Variants in ADGRL3 observed in about 807,000 individuals in gnomAD.
ADGRL3 encodes adhesion G protein-coupled receptor L3.
In ADGRL3, 62 loss-of-function variants were observed where a neutral mutation model predicts 153.5. That is an observed-to-expected ratio of 0.40 (90% CI 0.33 to 0.50). ADGRL3 has a LOEUF of 0.50. ADGRL3 is among the 20% of genes least tolerant of loss of function. The probability of loss-of-function intolerance (pLI) is 0.47; values close to 1 mark genes in which losing one functional copy is unlikely to be tolerated. For synonymous variants in ADGRL3, 710 were observed against 672.5 expected, an observed-to-expected ratio of 1.06 and a Z score of -0.86; for missense variants, 1,641 against 1,859.4, an observed-to-expected ratio of 0.88 and a Z score of 2.16.
At chr4:61,311,972 G>A (rs1335656956) in intron 1 of ADGRL3, among the ~76,000 whole-genome samples, 2 of 152,018 alleles carry the variant, frequency 1.3e-5, no homozygotes, top group Non-Finnish European at 2.9e-5. Context: ...AATGGGGGAG[G>A]CTATGCATCT....
Position 61,318,213 on chromosome 4 carries a change from A to AC in ADGRL3, c.-239-64911_-239-64910insC, listed in dbSNP as rs1388784336. 3.3e-3 allele frequency among the ~76,000 whole-genome samples: 493 copies of AC among 147,280 alleles called. 2 individuals are homozygous for AC. Among genetic ancestry groups the AC allele is most frequent in the African/African-American group, 0.012 (464 of 38,822 alleles). ...TGTCTCAAAAAAAAAAAAAAAAAAA[A>AC]ACACAAAACACACACACACACACAC... On this transcript the variant is annotated intron_variant, in intron 1 of 26. Transcript: ENST00000683033.
rs149992520 is a variant in ADGRL3, at chr4:61,457,851, CAGATAGATAGAT to C, written c.-173-39229_-173-39218del. ...TGTTTTTGTATAAAATCACAGATGACAGATAGATAGATAGATAGATAGATAGATAGATAGATA... is the reference window on the plus strand; with the variant it reads ...TGTTTTTGTATAAAATCACAGATGACAGATAGATAGATAGATAGATAGATA... On this transcript the variant is annotated intron_variant, in intron 2 of 26. Transcript: ENST00000683033. Among the ~76,000 whole-genome samples the C allele has an allele frequency of 2.8e-3, 412 of 146,158 alleles. 1 individual carries two copies. Among genetic ancestry groups the C allele is most frequent in the South Asian group, 4.4e-3 (20 of 4,510 alleles).
intron 21 of ADGRL3, among the ~76,000 whole-genome samples, chr4:62,004,668 G>A (rs998236202): frequency 3.3e-5 from 5 of 151,864 alleles, no homozygotes; most frequent in East Asian, 1.9e-4. Flanking sequence ...ACTGTTACAC[G>A]TTTTGTAAAA....
intron 17 of ADGRL3, among the ~76,000 whole-genome samples, chr4:61,962,668 C>G (rs1052346346): frequency 5.9e-5 from 9 of 152,034 alleles, no homozygotes; most frequent in Admixed American, 3.9e-4. Context: ...CCCATTGCAT[C>G]AAGATGTTCA....
At chr4:61,810,179 A>G (rs1165272125) in intron 8 of ADGRL3, among the ~76,000 whole-genome samples, 1 of 152,258 alleles carries the variant, frequency 6.6e-6, no homozygotes, top group Admixed American at 6.5e-5. Flanking sequence ...GTCTCAACAC[A>G]CATGAAGGAT....
At chr4:61,698,891 T>C (rs1457742720) in intron 6 of ADGRL3, among the ~76,000 whole-genome samples, 1 of 152,174 alleles carries the variant, frequency 6.6e-6, no homozygotes, top group Non-Finnish European at 1.5e-5. Flanking sequence ...ATTACTTTCT[T>C]TTTAACTGTA....
In ADGRL3 at chr4:62,070,887, T is replaced by C. The variant is rs1745457805; in HGVS notation, c.4611T>C (p.Ala1537=). 3 of 1,549,868 alleles carry C rather than the reference T, an allele frequency of 1.9e-6. No homozygotes were observed. Among genetic ancestry groups the C allele is most frequent in the Non-Finnish European group, 1.7e-6 (2 of 1,146,004 alleles). Residue 1537 remains alanine, a synonymous_variant, in exon 27 of 27, where the codon GCT becomes GCC. Transcript: ENST00000683033. ...TPPEGSSKGP[A]HLVTSL ...CCGAGGGAAGTTCAAAAGGACCGGC[T>C]CATTTGGTCACTAGTCTATAGAAGA... is the stretch of plus-strand genomic sequence containing the variant.
rs1027463671 is a variant in ADGRL3, at chr4:61,515,146, C to G, written c.56-2169C>G. On this transcript the variant is annotated intron_variant, in intron 3 of 26. Coordinates refer to ENST00000683033, the MANE Select transcript of ADGRL3 (RefSeq NM_001387552.1). ...AGCTCATGATCTGGATGTTGCTTGC[C>G]TCTCTGCCTTCCAGACTATTCTTCA... 1.1e-4 allele frequency among the ~76,000 whole-genome samples: 16 copies of G among 152,100 alleles called. 1 individual carries two copies. The highest frequency in any genetic ancestry group is 1.0e-3 in the Admixed American group (16 of 15,270).
intron 25 of ADGRL3, among the ~76,000 whole-genome samples, chr4:62,052,350 A>T (rs933403322): frequency 6.6e-5 from 10 of 151,574 alleles, no homozygotes; most frequent in Non-Finnish European, 1.5e-4. Flanking sequence ...CTTAACAGTG[A>T]AGTTATTCAC....
chr4:61,662,340 C>T (rs1477891036), intron 5 of ADGRL3, among the ~76,000 whole-genome samples: 2 of 152,242 alleles, frequency 1.3e-5, no homozygotes, highest in Non-Finnish European at 2.9e-5. Context: ...AGACCCTTTG[C>T]CCCTGCAGGC....
intron 9 of ADGRL3, among the ~76,000 whole-genome samples, chr4:61,883,279 T>G (rs1030355237): frequency 6.6e-6 from 1 of 152,186 alleles, no homozygotes; most frequent in African/African-American, 2.4e-5. Flanking sequence ...CCTACTAATG[T>G]AAGCTCTATA....
chr4:62,007,428 A>G (rs1198685444), intron 21 of ADGRL3, among the ~76,000 whole-genome samples: 29 of 123,310 alleles, frequency 2.4e-4, no homozygotes, highest in Admixed American at 8.6e-4. Flanking sequence ...ATATACACAT[A>G]TATATATATA....
intron 9 of ADGRL3, among the ~76,000 whole-genome samples, chr4:61,837,834 C>A (rs2097959324): frequency 6.6e-6 from 1 of 152,088 alleles, no homozygotes; most frequent in Non-Finnish European, 1.5e-5. Context: ...GAAACAATTA[C>A]ACGCTGTTGT....
intron 19 of ADGRL3, among the ~76,000 whole-genome samples, chr4:61,993,164 TTGTGTGTGTGTGTG>T (rs3065140): frequency 7.2e-6 from 1 of 138,422 alleles, no homozygotes; most frequent in Non-Finnish European, 1.5e-5. Flanking sequence ...TGGGCTGCAG[TTGTGTGTGTGTGTG>T]TGTGTGTGTG....
intron 1 of ADGRL3, among the ~76,000 whole-genome samples, chr4:61,238,172 C>T (rs1224660514): frequency 6.6e-6 from 1 of 152,156 alleles, no homozygotes; most frequent in East Asian, 1.9e-4. Flanking sequence ...AGTACAAGAG[C>T]ACAAACTAAG....
chr4:61,590,220 G>T (rs911816113), intron 5 of ADGRL3, among the ~76,000 whole-genome samples: 80 of 151,968 alleles, frequency 5.3e-4, no homozygotes, highest in African/African-American at 1.9e-3. Flanking sequence ...TAGGCTTCTA[G>T]AAGGCAGACT....
At chr4:61,320,769 A>G (rs1357840950) in intron 1 of ADGRL3, among the ~76,000 whole-genome samples, 1 of 152,222 alleles carries the variant, frequency 6.6e-6, no homozygotes, top group Non-Finnish European at 1.5e-5. Context: ...CACTGCTGTA[A>G]CAAATTACTA....
chr4:62,008,398 C>T (rs1220368188), intron 21 of ADGRL3, among the ~76,000 whole-genome samples: 3 of 151,950 alleles, frequency 2.0e-5, no homozygotes, highest in Non-Finnish European at 4.4e-5. Flanking sequence ...AGTGTACAAG[C>T]GAAGGCTGAT....
intron 5 of ADGRL3, among the ~76,000 whole-genome samples, chr4:61,654,268 CT>C (rs576569265): frequency 0.01 from 1,594 of 151,986 alleles, 33 homozygotes; most frequent in African/African-American, 0.036. Context: ...TTGAATGTGA[CT>C]TTTTTATTTA....
Sources: allele counts gnomAD v4.1 joint callset (sites outside exome capture counted in the v4.1 genomes callset), GRCh38; gene constraint gnomAD v4.1.1; transcripts MANE v1.5; gene names NCBI Gene and HGNC (gene_info 2026-07-23, HGNC 2026-07-21).